TRIM72: variants seen among roughly 807,000 people sequenced by gnomAD.
The protein encoded by TRIM72 is tripartite motif-containing protein 72.
In TRIM72, 33 loss-of-function variants were observed where a neutral mutation model predicts 31.6. The observed-to-expected ratio is 1.04, with a 90% CI of 0.79 to 1.40. TRIM72 has a LOEUF of 1.40. Ranked by LOEUF, TRIM72 falls within the 40% of genes most tolerant of loss-of-function variation. The pLI is 0.00. For synonymous variants in TRIM72, 301 were observed against 314.4 expected (o/e 0.96, Z 0.45); for missense variants, 666 against 682.7 (o/e 0.98, Z 0.27).
chr16:31,223,830 C>T (rs930780539), intron 6 of TRIM72, among the ~76,000 whole-genome samples: 2 of 152,020 alleles, frequency 1.3e-5, no homozygotes, highest in African/African-American at 4.8e-5. Context: ...ATTGCTTGAG[C>T]CTGGGAGTTG....
At chr16:31,223,060 A>G (rs1471580218) in intron 6 of TRIM72, 115 bp downstream of exon 6, 6 of 782,796 alleles carry the variant, frequency 7.7e-6, no homozygotes, top group East Asian at 2.8e-5. Flanking sequence ...GGAGGTACCC[A>G]TTGCCCCTTT....
rs1216265557 is a variant in TRIM72, at chr16:31,214,829, C to A, written c.91C>A (p.His31Asn). Residue 31 changes from histidine (H) to asparagine (N), a missense_variant, in exon 2 of 7, where the codon CAC (histidine) becomes AAC (asparagine). Coordinates refer to ENST00000322122, the MANE Select transcript of TRIM72 (RefSeq NM_001008274.4). ...FDAPVTAECGHSFCRACLGRV... is the reference protein window; with the variant it reads ...FDAPVTAECGNSFCRACLGRV... ...CGCGCCCGTGACAGCCGAGTGCGGC[C>A]ACAGTTTCTGCCGCGCCTGCCTAGG... The A allele has an allele frequency of 9.6e-6, 15 of 1,560,232 alleles. No homozygotes were observed. Among genetic ancestry groups the A allele is most frequent in the Non-Finnish European group, 1.1e-5 (13 of 1,162,984 alleles).
rs1456952027 is a variant in TRIM72 at position 31,216,680 on chromosome 16, T to C, written c.390+1552T>C. On this transcript the variant is annotated intron_variant, in intron 2 of 6. Coordinates refer to ENST00000322122, the MANE Select transcript of TRIM72 (RefSeq NM_001008274.4). The surrounding 1 kb of genome is among the most constrained non-coding windows in gnomAD (Gnocchi z 6.7). The stretch of plus-strand genomic sequence containing the variant: ...CTGAAGGAGGGGAACAGGAAGGCTC[T>C]GGGCGGGACCTGACGCGTGGGTCCT... 6.0e-6 allele frequency: 9 copies of C among 1,507,826 alleles called. No individual in the cohort carries two copies. The Admixed American group carries it at 1.5e-4, about 25-fold the overall frequency. The allele number at this position is 1,507,826 out of a possible 1,614,324, so 93.4% of individuals were successfully genotyped here. A position where few individuals can be genotyped will look rare whatever the true frequency, so the allele number is the denominator to read the frequency against.
In TRIM72 at chr16:31,224,420, C is replaced by T. The variant is rs1036695116; in HGVS notation, c.1099C>T (p.Pro367Ser). Reference sequence around the variant, plus strand: ...GCTGGGCGTGATCGCGGCCGAGGCCCCCCGCCGCGGGCGCCTGCACGCGGT... The same window carrying T: ...GCTGGGCGTGATCGCGGCCGAGGCCTCCCGCCGCGGGCGCCTGCACGCGGT... ...WALGVIAAEA[P>S]RRGRLHAVPS... The change falls in exon 7 of 7, where the codon CCC becomes TCC. Residue 367 changes from proline (P) to serine (S), a missense_variant. By Grantham distance (74) the Pro-to-Ser change is moderately conservative. Coordinates refer to ENST00000322122, the MANE Select transcript of TRIM72 (RefSeq NM_001008274.4). 15 of 1,421,338 alleles carry T rather than the reference C, an allele frequency of 1.1e-5. No individual in the cohort carries two copies. Among genetic ancestry groups the T allele is most frequent in the Non-Finnish European group, 1.2e-5 (13 of 1,099,196 alleles). The allele number at this position is 1,421,338 out of a possible 1,614,324, so 88.0% of individuals were successfully genotyped here. A position where few individuals can be genotyped will look rare whatever the true frequency, so the allele number is the denominator to read the frequency against.
chr16:31,215,286 G>T lies in TRIM72; in HGVS notation c.390+158G>T, dbSNP rs973690194. On this transcript the variant is annotated intron_variant, in intron 2 of 6. Transcript: ENST00000322122. This position sits in a 1 kb window ranked among gnomAD's most constrained non-coding sequence, Gnocchi z 6.3. ...GCGGGGCGAAGCAGCCAGGAAAGAG[G>T]GTCTGAGGAGCTTAAGGCGGGGCTG... 2.6e-5 allele frequency among the ~76,000 whole-genome samples: 4 copies of T among 152,172 alleles called. No individual in the cohort carries two copies. Among genetic ancestry groups the T allele is most frequent in the African/African-American group, 7.2e-5 (3 of 41,442 alleles).
chr16:31,217,056 G>A lies in TRIM72; in HGVS notation c.390+1928G>A, dbSNP rs1054702349. 5 of 1,595,942 alleles carry A rather than the reference G, an allele frequency of 3.1e-6. No individual in the cohort carries two copies. The East Asian group carries it at 6.8e-5, about 22-fold the overall frequency. On this transcript the variant is annotated intron_variant, in intron 2 of 6. Transcript: ENST00000322122. The stretch of plus-strand genomic sequence containing the variant: ...CTCAGCCCTGCGCCTCTGAGCCTCC[G>A]AGGGCCTGGAGCCATCAGGTCCTAC...
In TRIM72 at chr16:31,224,626, C is replaced by T. The variant is rs746801565; in HGVS notation, c.1305C>T (p.Leu435=). The T allele has an allele frequency of 9.0e-6, 14 of 1,549,758 alleles. No homozygotes were observed. The African/African-American group carries it at 9.5e-5, about 11-fold the overall frequency. Residue 435 remains leucine (L), a synonymous_variant, in exon 7 of 7, where the codon CTC becomes CTT. Coordinates refer to ENST00000322122, the MANE Select transcript of TRIM72 (RefSeq NM_001008274.4). The stretch of plus-strand genomic sequence containing the variant: ...ACGATGCCAGCGACGCCGACGCGCT[C>T]GTGCCGCTTTTTGCCTTCCACGAGC... ...SFYDASDADA[L]VPLFAFHERL... is the part of the protein sequence containing the mutation.
rs2079561506 is a variant in TRIM72, at chr16:31,228,663, C to G, written c.*3908C>G. The G allele has an allele frequency of 6.6e-6, 1 of 152,058 alleles. No homozygotes were observed. The highest frequency in any genetic ancestry group is 2.4e-5 in the African/African-American group (1 of 41,280). The allele number at this position is 152,058 out of a possible 1,614,324, so 9.4% of individuals were successfully genotyped here. A position where few individuals can be genotyped will look rare whatever the true frequency, so the allele number is the denominator to read the frequency against. ...CTCAGCTCACTGCAACCTCTGCCTC[C>G]CAGGTTCAAGTGATTCTCCTGCCTC... On this transcript the variant is annotated 3_prime_UTR_variant, in exon 7 of 7. Coordinates refer to ENST00000322122, the MANE Select transcript of TRIM72 (RefSeq NM_001008274.4).
rs568514714 is a variant in TRIM72, at chr16:31,216,107, T to A, written c.390+979T>A. On this transcript the variant is annotated intron_variant, in intron 2 of 6. Coordinates refer to ENST00000322122, the MANE Select transcript of TRIM72 (RefSeq NM_001008274.4). The surrounding 1 kb of genome is among the most constrained non-coding windows in gnomAD (Gnocchi z 6.7). ...TTGTCTTACGCGACTGGTGCGCGCG[T>A]GGGGCTGGCTTCACAGGCGTTGCAT... 6.6e-6 allele frequency: 1 copy of A among 152,300 alleles called. No homozygotes were observed. The highest frequency in any genetic ancestry group is 1.5e-5 in the Non-Finnish European group (1 of 68,054). 9.4% of individuals were successfully genotyped at this position (152,300 alleles called of 1,614,324 possible).
rs574925559 is a variant in TRIM72 at position 31,222,950 on chromosome 16, C to T, written c.859+5C>T. The T allele has an allele frequency of 3.7e-5, 59 of 1,576,862 alleles. No homozygotes were observed. Among genetic ancestry groups the T allele is most frequent in the Non-Finnish European group, 2.9e-5 (34 of 1,161,338 alleles). ...TGTTCCGGGCTCTGATGCCAGGTAC[C>T]GGGAGGGACTGGCTCAGGTTTGTGT... is the stretch of plus-strand genomic sequence containing the variant. On this transcript the variant is annotated splice_donor_5th_base_variant and intron_variant, in intron 6 of 6. Coordinates refer to ENST00000322122, the MANE Select transcript of TRIM72 (RefSeq NM_001008274.4).
chr16:31,224,227 G>C lies in TRIM72; in HGVS notation c.906G>C (p.Leu302=), dbSNP rs58585879. The C allele has an allele frequency of 6.2e-3, 9,898 of 1,604,822 alleles. 410 individuals are homozygous for C. In the African/African-American group the frequency reaches 0.099, roughly 16 times the overall value. Residue 302 remains leucine (L), a synonymous_variant, in exon 7 of 7, where the codon CTG becomes CTC. Transcript: ENST00000322122. The part of the protein sequence containing the change: ...TFDPSSAHPS[L]VVSSSGRRVE... ...ACCCGAGCTCTGCGCACCCGAGCCT[G>C]GTGGTGTCTTCCTCTGGCCGCCGCG...
rs995402430 is a variant in TRIM72 at position 31,224,844 on chromosome 16, G to A, written c.*89G>A. 7.7e-7 allele frequency: 1 copy of A among 1,303,032 alleles called. No homozygotes were observed. The allele number at this position is 1,303,032 out of a possible 1,614,324, so 80.7% of individuals were successfully genotyped here. A position where few individuals can be genotyped will look rare whatever the true frequency, so the allele number is the denominator to read the frequency against. ...GTCTGACGGGAGAAGGGTGGGGAGC[G>A]GGTTGCCAGGGCCCAGGGGGCTGGG... is the stretch of plus-strand genomic sequence containing the variant. On this transcript the variant is annotated 3_prime_UTR_variant, in exon 7 of 7. Coordinates refer to ENST00000322122, the MANE Select transcript of TRIM72 (RefSeq NM_001008274.4).
In TRIM72 at chr16:31,224,641, C is replaced by T. The variant is rs776151225; in HGVS notation, c.1320C>T (p.Ala440=). 2.0e-5 allele frequency: 31 copies of T among 1,547,972 alleles called. No homozygotes were observed. The highest frequency in any genetic ancestry group is 1.7e-4 in the Middle Eastern group (1 of 6,030). Residue 440 remains alanine, a synonymous_variant, in exon 7 of 7, where the codon GCC becomes GCT. Coordinates refer to ENST00000322122, the MANE Select transcript of TRIM72 (RefSeq NM_001008274.4). ...SDADALVPLF[A]FHERLPRPVY... is the part of the protein sequence containing the mutation. ...CCGACGCGCTCGTGCCGCTTTTTGC[C>T]TTCCACGAGCGCCTGCCCAGGCCCG... is the stretch of plus-strand genomic sequence containing the variant.
In TRIM72 at chr16:31,218,635, T is replaced by C. The variant is rs972115413; in HGVS notation, c.391-460T>C. On this transcript the variant is annotated intron_variant, in intron 2 of 6. Coordinates refer to ENST00000322122, the MANE Select transcript of TRIM72 (RefSeq NM_001008274.4). ...AGGTGGAGGTTGCAGTGAGCTGAGA[T>C]TGTGCCACTGCACTGCATCCTGGGT... Among the ~76,000 whole-genome samples, 6 of 151,966 alleles carry C rather than the reference T, an allele frequency of 3.9e-5. No homozygotes were observed. The East Asian group carries it at 9.7e-4, about 25-fold the overall frequency.
intron 2 of TRIM72, among the ~76,000 whole-genome samples, chr16:31,218,834 T>C (rs1440674953): frequency 4.6e-5 from 7 of 151,986 alleles, no homozygotes; most frequent in Non-Finnish European, 7.4e-5. Context: ...AGGGCAACAG[T>C]GTGAGACCCT....
At position 31,229,959 on chromosome 16, in the gene TRIM72, A is replaced by G; in HGVS notation, c.*5204A>G. The G allele has an allele frequency of 6.6e-6, 1 of 152,360 alleles. No homozygotes were observed. The highest frequency in any genetic ancestry group is 1.5e-5 in the Non-Finnish European group (1 of 68,070). 9.4% of individuals were successfully genotyped at this position (152,360 alleles called of 1,614,324 possible). Reference sequence around the variant, plus strand: ...AAAAATTAGCCAGGCATGGTGGTGCATGCCTGCAATCCCAGCTACTCAGGA... The same window carrying G: ...AAAAATTAGCCAGGCATGGTGGTGCGTGCCTGCAATCCCAGCTACTCAGGA... On this transcript the variant is annotated 3_prime_UTR_variant, in exon 7 of 7. Transcript: ENST00000322122.
At chr16:31,224,037 G>A in intron 6 of TRIM72, 144 bp from the exon 7 acceptor site, 2 of 920,762 alleles carry the variant, frequency 2.2e-6, no homozygotes, top group Non-Finnish European at 3.2e-6. Context: ...AACTGAAGTT[G>A]AGCCAGGTGT....
Position 31,222,817 on chromosome 16 carries a change from C to T in TRIM72, c.741-10C>T. ...TCACACATGCCTCCCCTTCCCCTCC[C>T]CACCCCCAGGCTGCAGAAGATCCTG... On this transcript the variant is annotated splice_polypyrimidine_tract_variant and intron_variant, in intron 5 of 6. Coordinates refer to ENST00000322122, the MANE Select transcript of TRIM72 (RefSeq NM_001008274.4). The T allele has an allele frequency of 8.7e-7, 1 of 1,151,272 alleles. No individual in the cohort carries two copies. Among genetic ancestry groups the T allele is most frequent in the Non-Finnish European group, 1.2e-6 (1 of 823,182 alleles). 71.3% of individuals were successfully genotyped at this position (1,151,272 alleles called of 1,614,324 possible). A position where few individuals can be genotyped will look rare whatever the true frequency, so the allele number is the denominator to read the frequency against.
chr16:31,224,324 G>T lies in TRIM72; in HGVS notation c.1003G>T (p.Val335Leu), dbSNP rs199815688. Residue 335 changes from valine (V) to leucine (L), a missense_variant, in exon 7 of 7, where the codon GTG becomes TTG. Physicochemically the swap from Val to Leu is conservative, Grantham distance 32 (BLOSUM62 1). Coordinates refer to ENST00000322122, the MANE Select transcript of TRIM72 (RefSeq NM_001008274.4). ...PRQFDKAVAV[V>L]AHQQLSEGEH... Reference sequence around the variant, plus strand: ...CCAGTTCGACAAGGCGGTGGCGGTGGTGGCGCACCAGCAGCTCTCCGAGGG... The same window carrying T: ...CCAGTTCGACAAGGCGGTGGCGGTGTTGGCGCACCAGCAGCTCTCCGAGGG... 1.3e-6 allele frequency: 2 copies of T among 1,596,668 alleles called. No individual in the cohort carries two copies. Among genetic ancestry groups the T allele is most frequent in the Non-Finnish European group, 8.5e-7 (1 of 1,174,594 alleles).
Sources: allele counts gnomAD v4.1 joint callset (sites outside exome capture counted in the v4.1 genomes callset), GRCh38; gene constraint gnomAD v4.1.1; non-coding constraint Gnocchi (gnomAD v3.1); transcripts MANE v1.5; gene names NCBI Gene and HGNC (gene_info 2026-07-23, HGNC 2026-07-21).